PTPRR: variants seen among roughly 807,000 people sequenced by gnomAD.
PTPRR encodes the protein receptor-type tyrosine-protein phosphatase R.
A neutral mutation model predicts 77.2 loss-of-function variants in PTPRR; 38 were observed. The ratio of observed to expected loss-of-function variants is 0.49; its 90% CI spans 0.38 to 0.65. PTPRR has a LOEUF of 0.65. PTPRR is among the 30% of genes least tolerant of loss of function. The pLI, the probability that PTPRR is intolerant of heterozygous loss-of-function variation, is 0.00. For synonymous variants in PTPRR, 299 were observed against 283.1 expected (o/e 1.06, Z -0.57); for missense variants, 744 against 799.2 (o/e 0.93, Z 0.83).
At chr12:70,709,302 TA>T (rs1888735405) in intron 6 of PTPRR, among the ~76,000 whole-genome samples, 1 of 152,098 alleles carries the variant, frequency 6.6e-6, no homozygotes. Context: ...AACTAGGTAC[TA>T]AAGGAGCATA....
At chr12:70,845,174 G>A (rs1472616911) in intron 2 of PTPRR, among the ~76,000 whole-genome samples, 1 of 151,836 alleles carries the variant, frequency 6.6e-6, no homozygotes, top group African/African-American at 2.4e-5. Context: ...TTCTAGGAAG[G>A]TTTCAGTGGT....
chr12:70,754,824 TC>T, intron 4 of PTPRR: 4 of 1,221,454 alleles, frequency 3.3e-6, no homozygotes, highest in Non-Finnish European at 4.4e-6. Flanking sequence ...TTTTTTTTTT[TC>T]AAATAGAGTC....
intron 6 of PTPRR, among the ~76,000 whole-genome samples, chr12:70,704,581 G>A (rs1040433385): frequency 6.6e-6 from 1 of 152,058 alleles, no homozygotes; most frequent in African/African-American, 2.4e-5. Flanking sequence ...CGTGTCTAAG[G>A]TCTATTTGAT....
chr12:70,806,078 AC>A (rs1891704784), intron 2 of PTPRR, among the ~76,000 whole-genome samples: 1 of 152,126 alleles, frequency 6.6e-6, no homozygotes, highest in Admixed American at 6.6e-5. Flanking sequence ...TAGATTTCTT[AC>A]CCTCACAGGT....
rs767594053 is a variant in PTPRR, at chr12:70,745,980, T to C, written c.845A>G (p.Glu282Gly). 3.1e-6 allele frequency: 5 copies of C among 1,613,998 alleles called. No individual in the cohort carries two copies. The African/African-American group carries it at 6.7e-5, about 22-fold the overall frequency. Residue 282 changes from glutamate to glycine, a missense_variant, in exon 6 of 14, where the codon GAG becomes GGG. Glu to Gly is a moderately conservative substitution (Grantham distance 98). Coordinates refer to ENST00000283228, the MANE Select transcript of PTPRR (RefSeq NM_002849.4). ...GACCATGCTGTGGACTGTCTTTGCC[T>C]CGGACAGTGCTGGCTGTAATGTGAT... ...SPITLQPALS[E>G]AKTVHSMVQP...
At chr12:70,831,251 A>G (rs1892207067) in intron 2 of PTPRR, among the ~76,000 whole-genome samples, 1 of 152,230 alleles carries the variant, frequency 6.6e-6, no homozygotes, top group South Asian at 2.1e-4. Flanking sequence ...CTATTAATTG[A>G]GTATTCATTT....
At chr12:70,829,538 T>C (rs777655799) in intron 2 of PTPRR, among the ~76,000 whole-genome samples, 1 of 152,190 alleles carries the variant, frequency 6.6e-6, no homozygotes, top group Non-Finnish European at 1.5e-5. Context: ...TCTAAGTTTT[T>C]CTCCCTGAGA....
chr12:70,760,952 T>G lies in PTPRR; in HGVS notation c.627+519A>C, dbSNP rs527575038. On this transcript the variant is annotated intron_variant, in intron 4 of 13. Transcript: ENST00000283228. ...ATTTGGAAAATACTATGAAGAAACA[T>G]CTATAGTTCTTAAGACTTAAGTTCT... Among the ~76,000 whole-genome samples, 18 of 152,268 alleles carry G rather than the reference T, an allele frequency of 1.2e-4. No individual in the cohort carries two copies. The East Asian group carries it at 3.3e-3, about 28-fold the overall frequency.
chr12:70,720,552 C>T (rs952431008), intron 6 of PTPRR, among the ~76,000 whole-genome samples: 1 of 149,218 alleles, frequency 6.7e-6, no homozygotes. Context: ...TGCTCTGTCG[C>T]CCAGGCTGGA....
chr12:70,786,651 T>G (rs1891327702), intron 2 of PTPRR, among the ~76,000 whole-genome samples: 1 of 152,210 alleles, frequency 6.6e-6, no homozygotes, highest in Non-Finnish European at 1.5e-5. Context: ...TAATGCTCCG[T>G]GGAAGTGTGT....
chr12:70,875,337 G>C (rs771146905), intron 2 of PTPRR, among the ~76,000 whole-genome samples: 26 of 152,306 alleles, frequency 1.7e-4, no homozygotes, highest in Middle Eastern at 3.4e-3. Context: ...GCATGTATGA[G>C]TGTATGATTA....
At chr12:70,742,483 G>A (rs1890079391) in intron 6 of PTPRR, among the ~76,000 whole-genome samples, 1 of 152,152 alleles carries the variant, frequency 6.6e-6, no homozygotes, top group African/African-American at 2.4e-5. Context: ...AAATGTCCAA[G>A]TAGCAGGATG....
At chr12:70,742,817 ATGT>A (rs1187287176) in intron 6 of PTPRR, among the ~76,000 whole-genome samples, 4 of 152,102 alleles carry the variant, frequency 2.6e-5, no homozygotes, top group African/African-American at 9.7e-5. Flanking sequence ...GGTCTTCATA[ATGT>A]TCGGCTATAT....
At chr12:70,653,271 G>T (rs936391382) in intron 13 of PTPRR, among the ~76,000 whole-genome samples, 1 of 152,166 alleles carries the variant, frequency 6.6e-6, no homozygotes, top group African/African-American at 2.4e-5. Context: ...TGTGAAGACA[G>T]GCCCTAAAAT....
intron 5 of PTPRR, among the ~76,000 whole-genome samples, chr12:70,752,300 A>G (rs763976694): frequency 1.3e-5 from 2 of 152,272 alleles, no homozygotes; most frequent in Non-Finnish European, 1.5e-5. Context: ...GCAATCACCT[A>G]TACTTCTGAA....
At chr12:70,665,178 G>A (rs2136681698) in intron 10 of PTPRR, among the ~76,000 whole-genome samples, 1 of 152,022 alleles carries the variant, frequency 6.6e-6, no homozygotes, top group South Asian at 2.1e-4. Context: ...TATCCTTTCA[G>A]TAAAATTATC....
chr12:70,780,103 T>C (rs759643322), intron 2 of PTPRR, among the ~76,000 whole-genome samples: 14 of 152,234 alleles, frequency 9.2e-5, no homozygotes, highest in Non-Finnish European at 1.3e-4. Context: ...GTGATTCTCC[T>C]GCCTCAGCCT....
chr12:70,818,592 A>T (rs1442868702), intron 2 of PTPRR, among the ~76,000 whole-genome samples: 2 of 152,198 alleles, frequency 1.3e-5, no homozygotes, highest in Admixed American at 1.3e-4. Context: ...ATTGAAAATT[A>T]TGAAGTTTCT....
chr12:70,865,207 G>A (rs1301322124), intron 2 of PTPRR, among the ~76,000 whole-genome samples: 1 of 131,606 alleles, frequency 7.6e-6, no homozygotes, highest in Non-Finnish European at 1.7e-5. Context: ...TGCCTTCTGA[G>A]AATGATCGTG....
Sources: allele counts gnomAD v4.1 joint callset (sites outside exome capture counted in the v4.1 genomes callset), GRCh38; gene constraint gnomAD v4.1.1; transcripts MANE v1.5; gene names NCBI Gene and HGNC (gene_info 2026-07-23, HGNC 2026-07-21).